The following SNCAIP variants were observed in gnomAD, a reference collection of about 807,000 sequenced individuals.
SNCAIP encodes the protein synphilin-1.
SNCAIP carries 43 observed loss-of-function variants against 86.7 expected under a neutral mutation model. That is an observed-to-expected ratio of 0.50 (90% CI 0.39 to 0.64). The LOEUF is 0.64. Ranked by LOEUF, SNCAIP falls within the 30% of genes least tolerant of loss-of-function variation. The probability of loss-of-function intolerance (pLI) is 0.00; values close to 1 mark genes in which losing one functional copy is unlikely to be tolerated. For missense variants in SNCAIP, 981 were observed against 1,103.1 expected, an observed-to-expected ratio of 0.89 and a Z score of 1.57; for synonymous variants, 417 against 427.2, an observed-to-expected ratio of 0.98 and a Z score of 0.29.
chr5:122,336,176 G>GAGAGAGAGAGAGAGAA (rs1367618056), intron 1 of SNCAIP, among the ~76,000 whole-genome samples: 7 of 147,086 alleles, frequency 4.8e-5, no homozygotes, highest in African/African-American at 1.6e-4. Context: ...TGGTTATCAA[G>GAGAGAGAGAGAGAGAA]AGAGAGAGAG....
chr5:122,409,683 A>C (rs1773731225), intron 3 of SNCAIP, among the ~76,000 whole-genome samples: 1 of 152,236 alleles, frequency 6.6e-6, no homozygotes, highest in South Asian at 2.1e-4. Context: ...AACCCTGTGC[A>C]TGCAAATTTT....
intron 6 of SNCAIP, among the ~76,000 whole-genome samples, chr5:122,438,874 T>C (rs1780141601): frequency 6.6e-6 from 1 of 152,200 alleles, no homozygotes; most frequent in Non-Finnish European, 1.5e-5. Flanking sequence ...GAATGACCCA[T>C]TGAAGAGAAT....
intron 3 of SNCAIP, among the ~76,000 whole-genome samples, chr5:122,414,242 T>C (rs1774789356): frequency 6.6e-6 from 1 of 151,896 alleles, no homozygotes; most frequent in Admixed American, 6.6e-5. Flanking sequence ...TTTCCTTTTT[T>C]TTTTTTTTGA....
chr5:122,384,282 G>T (rs1767624605), intron 1 of SNCAIP, among the ~76,000 whole-genome samples: 1 of 152,172 alleles, frequency 6.6e-6, no homozygotes, highest in African/African-American at 2.4e-5. Flanking sequence ...TTTGCCATCT[G>T]TAAAATATGA....
At chr5:122,435,534 T>C (rs543257463) in intron 6 of SNCAIP, among the ~76,000 whole-genome samples, 1 of 152,320 alleles carries the variant, frequency 6.6e-6, no homozygotes, top group Non-Finnish European at 1.5e-5. Flanking sequence ...ATCATTCATG[T>C]GACTTTTAGT....
chr5:122,428,904 G>T (rs745443047), intron 5 of SNCAIP, among the ~76,000 whole-genome samples: 1 of 151,918 alleles, frequency 6.6e-6, no homozygotes, highest in Non-Finnish European at 1.5e-5. Context: ...CATCCATGCC[G>T]CTACAAAGGA....
At position 122,451,578 on chromosome 5, in the gene SNCAIP, G is replaced by C; in HGVS notation, c.2731G>C (p.Ala911Pro). 1 of 1,611,722 alleles carries C rather than the reference G, an allele frequency of 6.2e-7. No homozygotes were observed. The highest frequency in any genetic ancestry group is 1.1e-5 in the South Asian group (1 of 91,024). ...TDAKGNPASS[A>P]SKGKNKAA ...TGCCAAGGGAAACCCTGCCAGCTCC[G>C]CTAGCAAAGGAAAGAATAAGGCAGT... Residue 911 changes from alanine (A) to proline (P), a missense_variant, in exon 10 of 11, where the codon GCT (alanine) becomes CCT (proline). By Grantham distance (27) the Ala-to-Pro change is conservative. Coordinates refer to ENST00000261368, the MANE Select transcript of SNCAIP (RefSeq NM_005460.4).
intron 2 of SNCAIP, among the ~76,000 whole-genome samples, chr5:122,400,206 G>A (rs1241689878): frequency 6.6e-6 from 1 of 151,914 alleles, no homozygotes; most frequent in Non-Finnish European, 1.5e-5. Flanking sequence ...AGTAGACAAT[G>A]CGAGATGAGG....
intron 1 of SNCAIP, among the ~76,000 whole-genome samples, chr5:122,348,620 A>G (rs1403078869): frequency 6.6e-6 from 1 of 152,184 alleles, no homozygotes; most frequent in Non-Finnish European, 1.5e-5. Context: ...GATTATAAGT[A>G]TTCTTTAATG....
At chr5:122,454,254 C>T (rs1428903469) in intron 10 of SNCAIP, 2 of 152,404 alleles carry the variant, frequency 1.3e-5, no homozygotes, top group African/African-American at 2.4e-5. Context: ...CTGCTTTTTT[C>T]TTCCTCTAAA....
intron 3 of SNCAIP, among the ~76,000 whole-genome samples, chr5:122,405,527 A>G (rs960374304): frequency 2.2e-4 from 34 of 152,282 alleles, no homozygotes; most frequent in Admixed American, 2.2e-3. Context: ...AACAGAGATG[A>G]GAAGTTAAAT....
At chr5:122,430,630 A>G (rs1778225790) in intron 5 of SNCAIP, among the ~76,000 whole-genome samples, 1 of 152,192 alleles carries the variant, frequency 6.6e-6, no homozygotes, top group South Asian at 2.1e-4. Context: ...ATACTGCTCT[A>G]TAAGTGGTAG....
At chr5:122,438,836 G>A (rs1780132220) in intron 6 of SNCAIP, among the ~76,000 whole-genome samples, 1 of 152,050 alleles carries the variant, frequency 6.6e-6, no homozygotes, top group African/African-American at 2.4e-5. Flanking sequence ...TTAATATCTT[G>A]AAGCAAACCA....
chr5:122,383,933 C>G (rs1767538031), intron 1 of SNCAIP, among the ~76,000 whole-genome samples: 1 of 152,134 alleles, frequency 6.6e-6, no homozygotes, highest in Admixed American at 6.5e-5. Context: ...GTCTTATAGA[C>G]TAGTTCAGGG....
chr5:122,358,218 TAA>T (rs1480258563), intron 1 of SNCAIP, among the ~76,000 whole-genome samples: 4 of 148,158 alleles, frequency 2.7e-5, no homozygotes, highest in African/African-American at 1.0e-4. Flanking sequence ...TATATATATA[TAA>T]AATACTTTAA....
intron 3 of SNCAIP, among the ~76,000 whole-genome samples, chr5:122,406,396 G>T (rs937258041): frequency 3.9e-5 from 6 of 152,102 alleles, no homozygotes; most frequent in Admixed American, 3.9e-4. Context: ...CATCTTCTTT[G>T]GGATGGGGCA....
chr5:122,417,980 G>A (rs1001835147), intron 3 of SNCAIP, among the ~76,000 whole-genome samples: 11 of 152,210 alleles, frequency 7.2e-5, no homozygotes, highest in African/African-American at 2.7e-4. Context: ...GGGAAGCAAG[G>A]AGCAATTATT....
chr5:122,329,191 C>T (rs10042850), intron 1 of SNCAIP, among the ~76,000 whole-genome samples: 224 of 149,430 alleles, frequency 1.5e-3, no homozygotes, highest in Middle Eastern at 6.9e-3. Flanking sequence ...AGACAAGGTG[C>T]TAATTTGTTT....
chr5:122,413,335 G>T (rs894137201), intron 3 of SNCAIP, among the ~76,000 whole-genome samples: 1 of 152,096 alleles, frequency 6.6e-6, no homozygotes, highest in East Asian at 1.9e-4. Context: ...ACTTGCACAT[G>T]TGCTTCCTTC....
Sources: allele counts gnomAD v4.1 joint callset (sites outside exome capture counted in the v4.1 genomes callset), GRCh38; gene constraint gnomAD v4.1.1; transcripts MANE v1.5; gene names NCBI Gene and HGNC (gene_info 2026-07-23, HGNC 2026-07-21).